Variants in ABCC5 observed in about 807,000 individuals in gnomAD.
ABCC5 encodes ATP binding cassette subfamily C member 5.
In ABCC5, 61 loss-of-function variants were observed where a neutral mutation model predicts 160.9. The observed-to-expected ratio is 0.38, with a 90% CI of 0.31 to 0.47. The LOEUF is 0.47. Ranked by LOEUF, ABCC5 falls within the 20% of genes least tolerant of loss-of-function variation. The pLI is 0.99. For synonymous variants in ABCC5, 666 were observed against 700.6 expected, an observed-to-expected ratio of 0.95 and a Z score of 0.78; for missense variants, 1,308 against 1,813.3, an observed-to-expected ratio of 0.72 and a Z score of 5.06.
chr3:183,984,800 C>G lies in ABCC5; in HGVS notation c.592-1793G>C, dbSNP rs539476923. 2.5e-6 allele frequency: 4 copies of G among 1,574,696 alleles called. No individual in the cohort carries two copies. In the East Asian group the frequency reaches 9.2e-5, roughly 36 times the overall value. On this transcript the variant is annotated intron_variant, in intron 5 of 29. Transcript: ENST00000334444. ...GAACTGAGTCACAGGGCCAAAGCCCCCTTTTCCTCACGTGAAGCAACTCAG... is the reference window on the plus strand; with the variant it reads ...GAACTGAGTCACAGGGCCAAAGCCCGCTTTTCCTCACGTGAAGCAACTCAG...
Position 183,982,307 on chromosome 3 carries a change from G to T in ABCC5, c.999+144C>A. 1 of 898,072 alleles carries T rather than the reference G, an allele frequency of 1.1e-6. No individual in the cohort carries two copies. The highest frequency in any genetic ancestry group is 1.7e-6 in the Non-Finnish European group (1 of 597,066). 55.6% of individuals were successfully genotyped at this position (898,072 alleles called of 1,614,324 possible). A position where few individuals can be genotyped will look rare whatever the true frequency, so the allele number is the denominator to read the frequency against. On this transcript the variant is annotated intron_variant, in intron 7 of 29. Transcript: ENST00000334444. This position sits in a 1 kb window ranked among gnomAD's most constrained non-coding sequence, Gnocchi z 5.2. ...TCAAAATTCTGTCCCTATAGAGCAA[G>T]CACTATCGAGCTCTAGATTGAACCT...
chr3:183,965,280 G>A lies in ABCC5; in HGVS notation c.1959-23C>T, dbSNP rs370752156. The A allele has an allele frequency of 1.7e-4, 272 of 1,614,176 alleles. 5 individuals are homozygous for A. In the South Asian group the frequency reaches 2.8e-3, roughly 17 times the overall value. On this transcript the variant is annotated intron_variant, in intron 13 of 29. Transcript: ENST00000334444. ...TATCTGGAGGACACAAAGAGACAGC[G>A]TCAGGGACACGGCGGGAGCAGAGCC...
chr3:183,934,427 G>C (rs925530121), intron 26 of ABCC5, among the ~76,000 whole-genome samples: 1 of 152,166 alleles, frequency 6.6e-6, no homozygotes, highest in Non-Finnish European at 1.5e-5. Context: ...AGACTAAAAA[G>C]CCAAAATTAG....
chr3:183,974,497 C>T lies in ABCC5; in HGVS notation c.1405-2578G>A, dbSNP rs188457239. Among the ~76,000 whole-genome samples the T allele has an allele frequency of 2.6e-3, 392 of 152,108 alleles. 2 individuals are homozygous for T. The highest frequency in any genetic ancestry group is 8.9e-3 in the African/African-American group (368 of 41,504). On this transcript the variant is annotated intron_variant, in intron 10 of 29. Coordinates refer to ENST00000334444, the MANE Select transcript of ABCC5 (RefSeq NM_005688.4). ...CTAATTTTTGTATTTTTAGTAGAGA[C>T]GGGGTTTCATAATGTTGGCCAGGCT...
rs751011356 is a variant in ABCC5, at chr3:183,978,520, C to G, written c.1279G>C (p.Asp427His). 2.5e-6 allele frequency: 4 copies of G among 1,613,750 alleles called. No individual in the cohort carries two copies. The highest frequency in any genetic ancestry group is 2.7e-5 in the African/African-American group (2 of 74,886). ...TFSVHMTLGF[D>H]LTAAQAFTVV... ...TCCCTGACCTGTGCTGCTGTCAGAT[C>G]GAAGCCCAGGGTCATATGAACAGAG... The change falls in exon 9 of 30, where the codon GAT (aspartate) becomes CAT (histidine). Residue 427 changes from aspartate (D) to histidine (H), a missense_variant. Physicochemically the swap from Asp to His is moderately conservative, Grantham distance 81. Around this residue, in one of 3 missense-constraint regions of ABCC5, gnomAD observed 1,142 missense variants for 1,527.1 expected, o/e 0.75. Coordinates refer to ENST00000334444, the MANE Select transcript of ABCC5 (RefSeq NM_005688.4).
At chr3:184,008,295 G>A (rs745374195) in intron 2 of ABCC5, among the ~76,000 whole-genome samples, 28 of 152,102 alleles carry the variant, frequency 1.8e-4, no homozygotes, top group Admixed American at 7.9e-4. Flanking sequence ...ATCAGGGCTC[G>A]TGGAGTCATA....
chr3:183,922,453 A>T (rs1712099436), intron 29 of ABCC5, among the ~76,000 whole-genome samples: 1 of 152,266 alleles, frequency 6.6e-6, no homozygotes, highest in African/African-American at 2.4e-5. Flanking sequence ...TCAAGGGCAC[A>T]CCAGACAAAT....
intron 25 of ABCC5, among the ~76,000 whole-genome samples, chr3:183,938,344 G>T (rs1713951870): frequency 6.6e-6 from 1 of 152,100 alleles, no homozygotes; most frequent in African/African-American, 2.4e-5. Flanking sequence ...TGCTGCCCAG[G>T]CTGGAGTGCG....
chr3:183,962,134 C>G (rs1228173674), intron 15 of ABCC5, among the ~76,000 whole-genome samples: 2 of 152,114 alleles, frequency 1.3e-5, no homozygotes, highest in East Asian at 3.9e-4. Context: ...CCTGATAAAC[C>G]CAACGTAAAT....
At chr3:183,981,511 T>C (rs1718740428) in intron 8 of ABCC5, among the ~76,000 whole-genome samples, 1 of 152,192 alleles carries the variant, frequency 6.6e-6, no homozygotes, top group Non-Finnish European at 1.5e-5. Context: ...AAATCAACAT[T>C]TTCCCAGGTC....
Position 183,949,490 on chromosome 3 carries a change from A to G in ABCC5, c.3227+263T>C, listed in dbSNP as rs1483741638. Among the ~76,000 whole-genome samples, 1 of 152,180 alleles carries G rather than the reference A, an allele frequency of 6.6e-6. No homozygotes were observed. Among genetic ancestry groups the G allele is most frequent in the Non-Finnish European group, 1.5e-5 (1 of 68,028 alleles). ...AACACCTGGGCTCAAGCCATCCTCC[A>G]GCCTCAGCCTCCTGAGTAGCTGTGA... On this transcript the variant is annotated intron_variant, in intron 22 of 29. Coordinates refer to ENST00000334444, the MANE Select transcript of ABCC5 (RefSeq NM_005688.4). The surrounding 1 kb of genome is among the most constrained non-coding windows in gnomAD (Gnocchi z 4.2).
At chr3:183,965,304 C>G (rs766832732) in intron 13 of ABCC5, 47 bp from the exon 14 acceptor site, 23 of 1,614,022 alleles carry the variant, frequency 1.4e-5, no homozygotes, top group Non-Finnish European at 1.9e-5. Flanking sequence ...GGGAGCAGAG[C>G]CTGCTGACTA....
chr3:183,984,738 A>T (rs2108858970), intron 5 of ABCC5: 1 of 1,535,748 alleles, frequency 6.5e-7, no homozygotes, highest in East Asian at 2.4e-5. Context: ...ACTAGCAAGA[A>T]GATTGGCTTC....
intron 25 of ABCC5, among the ~76,000 whole-genome samples, chr3:183,940,507 G>A (rs1422111612): frequency 1.4e-5 from 2 of 148,074 alleles, no homozygotes; most frequent in Admixed American, 1.4e-4. Context: ...TCTGTTCAGG[G>A]TTGGGGGACT....
chr3:184,014,431 G>A lies in ABCC5; in HGVS notation c.-39C>T, dbSNP rs201676276. ...AGGTTCCAGGGCTCACAGACTGTTAGTTTCACATCAGAATTCCTGAAATTA... is the reference window on the plus strand; with the variant it reads ...AGGTTCCAGGGCTCACAGACTGTTAATTTCACATCAGAATTCCTGAAATTA... On this transcript the variant is annotated 5_prime_UTR_variant, in exon 2 of 30. Transcript: ENST00000334444. 124 of 1,552,376 alleles carry A rather than the reference G, an allele frequency of 8.0e-5. No individual in the cohort carries two copies. In the Admixed American group the frequency reaches 1.3e-3, roughly 16 times the overall value.
rs1302935198 is a variant in ABCC5 at position 183,926,146 on chromosome 3, T to TTG, written c.4048-428_4048-427insCA. Among the ~76,000 whole-genome samples the TTG allele has an allele frequency of 2.7e-4, 40 of 150,406 alleles. 4 individuals are homozygous for TTG. The highest frequency in any genetic ancestry group is 2.0e-3 in the Admixed American group (31 of 15,146). ...AGCCACCGTGCCCAGCCTATTGTTT[T>TTG]TTTTTTTTTTTTCTAAGAAAGCACG... On this transcript the variant is annotated intron_variant, in intron 28 of 29. Coordinates refer to ENST00000334444, the MANE Select transcript of ABCC5 (RefSeq NM_005688.4).
In ABCC5 at chr3:183,963,474, C is replaced by G; in HGVS notation, c.2146G>C (p.Asp716His). The G allele has an allele frequency of 6.2e-7, 1 of 1,614,242 alleles. No homozygotes were observed. The highest frequency in any genetic ancestry group is 8.5e-7 in the Non-Finnish European group (1 of 1,180,044). Residue 716 changes from aspartate (D) to histidine (H), a missense_variant, in exon 15 of 30, where the codon GAT (aspartate) becomes CAT (histidine). Physicochemically the swap from Asp to His is moderately conservative, Grantham distance 81. Coordinates refer to ENST00000334444, the MANE Select transcript of ABCC5 (RefSeq NM_005688.4). The surrounding 1 kb of genome is among the most constrained non-coding windows in gnomAD (Gnocchi z 4.6). ...AAGATGTGGTTGCCCACATGGGCAT[C>G]TAAGGCACTGAGGGGGTCGTCCAGG... Reference protein sequence around the residue: ...YILDDPLSALDAHVGNHIFNS... With the variant: ...YILDDPLSALHAHVGNHIFNS...
rs532112499 is a variant in ABCC5 at position 184,007,522 on chromosome 3, CT to C, written c.129+6741del. On this transcript the variant is annotated intron_variant, in intron 2 of 29. Coordinates refer to ENST00000334444, the MANE Select transcript of ABCC5 (RefSeq NM_005688.4). ...AGCAATTAAAATCCAAACTCCTTGG[CT>C]TATTATTCAAGAACACACATGCCCA... 1.6e-3 allele frequency among the ~76,000 whole-genome samples: 242 copies of C among 152,206 alleles called. 2 individuals carry two copies. Among genetic ancestry groups the C allele is most frequent in the African/African-American group, 5.7e-3 (238 of 41,546 alleles).
At chr3:183,929,026 A>G (rs1712897072) in intron 26 of ABCC5, among the ~76,000 whole-genome samples, 1 of 152,152 alleles carries the variant, frequency 6.6e-6, no homozygotes, top group South Asian at 2.1e-4. Context: ...ATAAAACTTG[A>G]TTTATTCTTT....
Sources: gnomAD v4.1 joint callset for allele counts (sites outside exome capture counted in the v4.1 genomes callset) on GRCh38, gnomAD v4.1.1 for gene constraint, gnomAD v4.1.1 regional missense constraint, Gnocchi (gnomAD v3.1) non-coding constraint, MANE v1.5 for transcripts, NCBI Gene and HGNC (gene_info 2026-07-23, HGNC 2026-07-21) for gene names.